The following XDH variants were observed in gnomAD, a reference collection of about 807,000 sequenced individuals.
XDH encodes xanthine dehydrogenase/oxidase.
XDH carries 138 observed loss-of-function variants against 156.1 expected under a neutral mutation model. The observed-to-expected ratio is 0.88, with a 90% CI of 0.77 to 1.02. The LOEUF (loss-of-function observed/expected upper bound fraction) is 1.02. Ranked by LOEUF, XDH falls within the 50% of genes least tolerant of loss-of-function variation. The pLI is 0.00. For missense variants in XDH, 1,849 were observed against 1,684.9 expected (o/e 1.10, Z -1.71); for synonymous variants, 669 against 625.7 (o/e 1.07, Z -1.03).
In XDH at chr2:31,349,678, G is replaced by A. The variant is rs374442016; in HGVS notation, c.2969+8C>T. On this transcript the variant is annotated splice_region_variant and intron_variant, in intron 26 of 35. Transcript: ENST00000379416. ...AAGAGCAACTGGACTTCTACTCCTA[G>A]TGCTTACTTGTTGAACTTGTCAACC... The A allele has an allele frequency of 2.7e-5, 44 of 1,613,944 alleles. No individual in the cohort carries two copies. The African/African-American group carries it at 4.7e-4, about 17-fold the overall frequency.
At chr2:31,339,383 T>G in intron 34 of XDH, 106 bp downstream of exon 34, 1 of 1,453,372 alleles carries the variant, frequency 6.9e-7, no homozygotes, top group Non-Finnish European at 9.6e-7. Flanking sequence ...CCTCAAGATA[T>G]GCCCTTTGAA....
rs1388065989 is a variant in XDH at position 31,383,099 on chromosome 2, C to T, written c.940G>A (p.Asp314Asn). 1.1e-5 allele frequency: 17 copies of T among 1,614,084 alleles called. No homozygotes were observed. Among genetic ancestry groups the T allele is most frequent in the Non-Finnish European group, 1.4e-5 (16 of 1,180,048 alleles). Residue 314 changes from aspartate (D) to asparagine (N), a missense_variant, in exon 11 of 36, where the codon GAT becomes AAT. Transcript: ENST00000379416. The part of the protein sequence containing the change: ...PLSIVEKTLV[D>N]AVAKLPAQKT... ...TGGGCAGGAAGCTTAGCAACAGCAT[C>T]CACCAGGGTTTTTTCCACAATGCTC...
At chr2:31,349,324 T>C (rs562810544) in intron 26 of XDH, among the ~76,000 whole-genome samples, 1 of 152,330 alleles carries the variant, frequency 6.6e-6, no homozygotes, top group East Asian at 1.9e-4. Flanking sequence ...TTTCACATGA[T>C]GAAACTGAGG....
At position 31,335,877 on chromosome 2, in the gene XDH, G is replaced by C. The variant is rs1684957740; in HGVS notation, c.*81C>G. The stretch of plus-strand genomic sequence containing the variant: ...GGTCTGTCATTCTGTGACTTTAATA[G>C]ATCCATGTTCTGTGGTATGTTCCTC... On this transcript the variant is annotated 3_prime_UTR_variant, in exon 36 of 36. Coordinates refer to ENST00000379416, the MANE Select transcript of XDH (RefSeq NM_000379.4). The C allele has an allele frequency of 1.1e-5, 16 of 1,482,594 alleles. No homozygotes were observed. Among genetic ancestry groups the C allele is most frequent in the African/African-American group, 1.4e-5 (1 of 72,132 alleles). 91.8% of individuals were successfully genotyped at this position (1,482,594 alleles called of 1,614,324 possible). A position where few individuals can be genotyped will look rare whatever the true frequency, so the allele number is the denominator to read the frequency against.
At position 31,373,515 on chromosome 2, in the gene XDH, A is replaced by C. The variant is rs558794823; in HGVS notation, c.1686+358T>G. Reference sequence around the variant, plus strand: ...ACCCTTTACGTAGCACCTCTCAAAAAGCTGGAGCAGATAGATGGTTTGTTT... The same window carrying C: ...ACCCTTTACGTAGCACCTCTCAAAACGCTGGAGCAGATAGATGGTTTGTTT... On this transcript the variant is annotated intron_variant, in intron 16 of 35. Transcript: ENST00000379416. 2.8e-5 allele frequency among the ~76,000 whole-genome samples: 4 copies of C among 144,028 alleles called. No homozygotes were observed. In the East Asian group the frequency reaches 8.1e-4, roughly 29 times the overall value. 94.5% of individuals were successfully genotyped at this position (144,028 alleles called of 152,430 possible).
At chr2:31,413,416 T>A (rs1481559207) in intron 1 of XDH, among the ~76,000 whole-genome samples, 1 of 152,202 alleles carries the variant, frequency 6.6e-6, no homozygotes, top group Non-Finnish European at 1.5e-5. Context: ...GAGAGGAAAC[T>A]CTGAACCCAG....
At chr2:31,384,181 A>G (rs1686520931) in intron 9 of XDH, 3 of 327,194 alleles carry the variant, frequency 9.2e-6, no homozygotes, top group South Asian at 5.6e-5. Context: ...AACACAGGAA[A>G]TTAAGGTATG....
rs146551089 is a variant in XDH, at chr2:31,405,909, T to C, written c.98A>G (p.Lys33Arg). ...ETTLLAYLRR[K>R]LGLSGTKLGC... The stretch of plus-strand genomic sequence containing the variant: ...CTCCCACTCCAAAGTCAGGATACAC[T>C]TTCTTCTCAGGTAGGCCAAAAGGGT... Residue 33 changes from lysine (K) to arginine (R), a missense_variant and splice_region_variant, in exon 2 of 36, where the codon AAG becomes AGG. By Grantham distance (26) the Lys-to-Arg change is conservative (BLOSUM62 2). Coordinates refer to ENST00000379416, the MANE Select transcript of XDH (RefSeq NM_000379.4). The C allele has an allele frequency of 7.4e-6, 12 of 1,614,026 alleles. No homozygotes were observed. Among genetic ancestry groups the C allele is most frequent in the Non-Finnish European group, 9.3e-6 (11 of 1,180,030 alleles).
intron 13 of XDH, among the ~76,000 whole-genome samples, chr2:31,378,089 AG>A (rs1245399498): frequency 9.5e-5 from 5 of 52,540 alleles, no homozygotes; most frequent in African/African-American, 1.6e-4. Context: ...AAAGAAAGAA[AG>A]AAAGAAAGAA....
intron 13 of XDH, 103 bp from the exon 14 acceptor site, chr2:31,377,340 C>A (rs1029250355): frequency 1.6e-6 from 2 of 1,273,986 alleles, no homozygotes; most frequent in Non-Finnish European, 2.3e-6. Context: ...GGGGATAACA[C>A]CATCACACAT....
intron 33 of XDH, among the ~76,000 whole-genome samples, 162 bp downstream of exon 33, chr2:31,341,167 A>G (rs1489021867): frequency 6.6e-6 from 1 of 152,172 alleles, no homozygotes; most frequent in East Asian, 1.9e-4. Context: ...TGGTTGGACT[A>G]TCACCAATCT....
intron 19 of XDH, 43 bp from the exon 20 acceptor site, chr2:31,368,100 G>C (rs959279635): frequency 1.3e-6 from 2 of 1,572,880 alleles, no homozygotes; most frequent in Admixed American, 3.3e-5. Context: ...CTTTTAGCAG[G>C]GAGGGAAAGA....
chr2:31,369,633 A>C (rs1382526310), intron 18 of XDH, among the ~76,000 whole-genome samples: 1 of 152,218 alleles, frequency 6.6e-6, no homozygotes, highest in Non-Finnish European at 1.5e-5. Context: ...GCTGACTTTC[A>C]CTAGCCATAA....
In XDH at chr2:31,405,943, G is replaced by T. The variant is rs1167848633; in HGVS notation, c.64C>A (p.Pro22Thr). The T allele has an allele frequency of 6.2e-7, 1 of 1,614,084 alleles. No homozygotes were observed. ...AGGTAGGCCAAAAGGGTTGTCTCTG[G>T]ATCTGCATTTTTCTCCACCACCTAT... Reference protein sequence around the residue: ...GRKVVEKNADPETTLLAYLRR... With the variant: ...GRKVVEKNADTETTLLAYLRR... Residue 22 changes from proline (P) to threonine (T), a missense_variant, in exon 2 of 36, where the codon CCA becomes ACA. Physicochemically the swap from Pro to Thr is conservative, Grantham distance 38. Transcript: ENST00000379416.
intron 5 of XDH, among the ~76,000 whole-genome samples, 198 bp downstream of exon 5, chr2:31,398,375 G>A (rs1686968027): frequency 6.6e-6 from 1 of 152,182 alleles, no homozygotes; most frequent in Non-Finnish European, 1.5e-5. Context: ...GACCCCAGGA[G>A]GTCTCCACAC....
chr2:31,387,938 C>G lies in XDH; in HGVS notation c.565-41G>C, dbSNP rs751465930. On this transcript the variant is annotated intron_variant, in intron 7 of 35. Coordinates refer to ENST00000379416, the MANE Select transcript of XDH (RefSeq NM_000379.4). ...ACAGGTAGGTGATGCAGTATCTCCTCCTTTCAAACACCCAAGAGGACCAAT... is the reference window on the plus strand; with the variant it reads ...ACAGGTAGGTGATGCAGTATCTCCTGCTTTCAAACACCCAAGAGGACCAAT... The G allele has an allele frequency of 2.6e-6, 4 of 1,536,886 alleles. No homozygotes were observed. In the African/African-American group the frequency reaches 5.5e-5, roughly 21 times the overall value.
At chr2:31,366,197 C>T (rs1215357077) in intron 21 of XDH, 88 bp from the exon 22 acceptor site, 6 of 1,604,136 alleles carry the variant, frequency 3.7e-6, no homozygotes, top group Non-Finnish European at 5.1e-6. Flanking sequence ...CATGCATGGA[C>T]CTAATTACTG....
At chr2:31,388,067 C>T (rs1014933304) in intron 7 of XDH, among the ~76,000 whole-genome samples, 160 bp downstream of exon 7, 5 of 152,078 alleles carry the variant, frequency 3.3e-5, no homozygotes, top group African/African-American at 4.8e-5. Flanking sequence ...TTACAGGACC[C>T]GGGGCTAACG....
intron 1 of XDH, among the ~76,000 whole-genome samples, chr2:31,409,806 C>A (rs2148013588): frequency 6.6e-6 from 1 of 152,268 alleles, no homozygotes; most frequent in East Asian, 1.9e-4. Flanking sequence ...CAAAATGATA[C>A]AGCCACTGTG....
Sources: allele counts gnomAD v4.1 joint callset (sites outside exome capture counted in the v4.1 genomes callset), GRCh38; gene constraint gnomAD v4.1.1; transcripts MANE v1.5; gene names NCBI Gene and HGNC (gene_info 2026-07-23, HGNC 2026-07-21).